The following RABGAP1L variants were observed in gnomAD, a reference collection of about 807,000 sequenced individuals.
RABGAP1L encodes rab GTPase-activating protein 1-like.
A neutral mutation model predicts 137.7 loss-of-function variants in RABGAP1L; 63 were observed. The observed-to-expected ratio is 0.46, with a 90% CI of 0.37 to 0.56. The LOEUF is 0.56. Among genes scored for constraint, RABGAP1L ranks in the 20% least tolerant of loss-of-function variants. The pLI, the probability that RABGAP1L is intolerant of heterozygous loss-of-function variation, is 0.00. For missense variants in RABGAP1L, 1,095 were observed against 1,244.0 expected, an observed-to-expected ratio of 0.88 and a Z score of 1.80; for synonymous variants, 431 against 433.7, an observed-to-expected ratio of 0.99 and a Z score of 0.08.
chr1:174,989,827 A>T, intron 25 of RABGAP1L, 22 bp from the exon 26 acceptor site: 1 of 1,546,122 alleles, frequency 6.5e-7, no homozygotes, highest in Non-Finnish European at 8.7e-7. Flanking sequence ...TTTAACTCAG[A>T]TGATTTTCTT....
chr1:174,371,827 A>G (rs1377736155), intron 12 of RABGAP1L, among the ~76,000 whole-genome samples: 1 of 152,192 alleles, frequency 6.6e-6, no homozygotes, highest in Non-Finnish European at 1.5e-5. Context: ...AAGAAAGAAT[A>G]ATTTAAACCT....
chr1:174,279,553 T>C lies in RABGAP1L; in HGVS notation c.1323+774T>C, dbSNP rs139619953. On this transcript the variant is annotated intron_variant, in intron 10 of 25. Coordinates refer to ENST00000681986, the MANE Select transcript of RABGAP1L (RefSeq NM_001366446.1). ...AGCAGGCACCAGTACAGGAAACAAATATAGAAGCCTCTTACCCATTTTCAT... is the reference window on the plus strand; with the variant it reads ...AGCAGGCACCAGTACAGGAAACAAACATAGAAGCCTCTTACCCATTTTCAT... Among the ~76,000 whole-genome samples the C allele has an allele frequency of 1.2e-3, 178 of 152,270 alleles. 1 individual carries two copies. The highest frequency in any genetic ancestry group is 4.2e-3 in the African/African-American group (174 of 41,568).
At chr1:174,984,170 C>G (rs1476410185) in intron 24 of RABGAP1L, among the ~76,000 whole-genome samples, 1 of 152,002 alleles carries the variant, frequency 6.6e-6, no homozygotes, top group Non-Finnish European at 1.5e-5. Flanking sequence ...TCTAAGTTCC[C>G]TCCCCTCAGT....
At chr1:174,430,357 GAAA>G (rs201831946) in intron 13 of RABGAP1L, among the ~76,000 whole-genome samples, 1 of 137,984 alleles carries the variant, frequency 7.2e-6, no homozygotes, top group Admixed American at 7.3e-5. Flanking sequence ...GACTCTGTCT[GAAA>G]AAAAAAAAAA....
rs1488883353 is a variant in RABGAP1L, at chr1:174,448,299, T to G, written c.1710+54154T>G. On this transcript the variant is annotated intron_variant, in intron 13 of 25. Transcript: ENST00000681986. This position sits in a 1 kb window ranked among gnomAD's most constrained non-coding sequence, Gnocchi z 4.2. The stretch of plus-strand genomic sequence containing the variant: ...ATTGCTGGGAATCTAACAGTTATCT[T>G]TGTCTTTCATTGTGCTCCACTGTTA... 1.2e-6 allele frequency: 2 copies of G among 1,612,880 alleles called. No individual in the cohort carries two copies. Among genetic ancestry groups the G allele is most frequent in the Admixed American group, 3.3e-5 (2 of 60,010 alleles).
chr1:174,455,356 A>C (rs1655927571), intron 13 of RABGAP1L, among the ~76,000 whole-genome samples: 1 of 152,200 alleles, frequency 6.6e-6, no homozygotes, highest in Non-Finnish European at 1.5e-5. Flanking sequence ...TTTTCTACTT[A>C]AGCAATTGTA....
chr1:174,611,430 C>T (rs1422798294), intron 13 of RABGAP1L, among the ~76,000 whole-genome samples: 1 of 151,606 alleles, frequency 6.6e-6, no homozygotes, highest in Non-Finnish European at 1.5e-5. Context: ...TCTTTTGGTA[C>T]CACTACCATG....
intron 12 of RABGAP1L, among the ~76,000 whole-genome samples, chr1:174,384,173 A>G (rs1216283777): frequency 6.6e-6 from 1 of 152,244 alleles, no homozygotes; most frequent in African/African-American, 2.4e-5. Flanking sequence ...GCCAAAGTCA[A>G]GTGACTTAAT....
Position 174,727,908 on chromosome 1 carries a change from T to C in RABGAP1L, c.2170-24405T>C, listed in dbSNP as rs922203031. Among the ~76,000 whole-genome samples the C allele has an allele frequency of 3.3e-5, 5 of 152,368 alleles. No homozygotes were observed. The South Asian group carries it at 1.0e-3, about 32-fold the overall frequency. ...AATCTCATGTGCCAGTCATCAGAAC[T>C]GTATTTCTTTGTAGAAGAGGAAAGG... On this transcript the variant is annotated intron_variant, in intron 17 of 25. Coordinates refer to ENST00000681986, the MANE Select transcript of RABGAP1L (RefSeq NM_001366446.1).
At chr1:174,613,197 G>A (rs983051599) in intron 13 of RABGAP1L, among the ~76,000 whole-genome samples, 4 of 151,228 alleles carry the variant, frequency 2.6e-5, no homozygotes, top group African/African-American at 9.7e-5. Flanking sequence ...GGCATTTAGT[G>A]CTATAAATTT....
At chr1:174,563,135 A>G (rs1445467084) in intron 13 of RABGAP1L, among the ~76,000 whole-genome samples, 2 of 152,168 alleles carry the variant, frequency 1.3e-5, no homozygotes, top group South Asian at 2.1e-4. Flanking sequence ...AATATTTACT[A>G]TCTGGCTCTT....
At chr1:174,465,098 CTTTT>C (rs1657135270) in intron 13 of RABGAP1L, among the ~76,000 whole-genome samples, 1 of 152,152 alleles carries the variant, frequency 6.6e-6, no homozygotes, top group East Asian at 1.9e-4. Flanking sequence ...TATGATGTAG[CTTTT>C]CTGGCACATG....
intron 7 of RABGAP1L, among the ~76,000 whole-genome samples, chr1:174,269,164 C>T (rs1022047384): frequency 6.6e-6 from 1 of 152,174 alleles, no homozygotes; most frequent in Non-Finnish European, 1.5e-5. Flanking sequence ...AGGATGGTCT[C>T]AATCTCCCGA....
In RABGAP1L at chr1:174,703,122, A is replaced by T. The variant is rs190064401; in HGVS notation, c.2169+866A>T. ...TTAAGGTAAACATCCTTTAAAAAAA[A>T]TTTTTTTTGTATAAATTTAAGGGGT... On this transcript the variant is annotated intron_variant, in intron 17 of 25. Transcript: ENST00000681986. 1.2e-3 allele frequency among the ~76,000 whole-genome samples: 188 copies of T among 152,096 alleles called. No homozygotes were observed. In the East Asian group the frequency reaches 0.023, roughly 19 times the overall value.
chr1:174,521,853 G>T (rs1426356662), intron 13 of RABGAP1L, among the ~76,000 whole-genome samples: 1 of 152,096 alleles, frequency 6.6e-6, no homozygotes, highest in Non-Finnish European at 1.5e-5. Context: ...GGTTGAGGCG[G>T]GCGGATCAGG....
chr1:174,476,499 T>C (rs1287763819), intron 13 of RABGAP1L, among the ~76,000 whole-genome samples: 1 of 152,220 alleles, frequency 6.6e-6, no homozygotes, highest in East Asian at 1.9e-4. Flanking sequence ...TTTAATATTA[T>C]GTTATTCAGC....
At chr1:174,485,864 G>A (rs1347214951) in intron 13 of RABGAP1L, among the ~76,000 whole-genome samples, 1 of 152,174 alleles carries the variant, frequency 6.6e-6, no homozygotes, top group Non-Finnish European at 1.5e-5. Flanking sequence ...GAGTGAGTTT[G>A]TAAGGATTCC....
At position 174,993,197 on chromosome 1, in the gene RABGAP1L, A is replaced by G. The variant is rs1218084058; in HGVS notation, c.*3196A>G. The G allele has an allele frequency of 6.6e-6, 1 of 152,184 alleles. No individual in the cohort carries two copies. 9.4% of individuals were successfully genotyped at this position (152,184 alleles called of 1,614,324 possible). On this transcript the variant is annotated 3_prime_UTR_variant, in exon 26 of 26. Coordinates refer to ENST00000681986, the MANE Select transcript of RABGAP1L (RefSeq NM_001366446.1). ...ATTTAGTTACATATAATTTAATGCA[A>G]AGAAATTCTGTTACTTAATGTTCTG...
At chr1:174,505,102 A>G (rs557116176) in intron 13 of RABGAP1L, among the ~76,000 whole-genome samples, 21 of 152,274 alleles carry the variant, frequency 1.4e-4, no homozygotes, top group Admixed American at 1.2e-3. Flanking sequence ...GCAGGTATAT[A>G]AAAAAATGTT....
Sources: allele counts gnomAD v4.1 joint callset (sites outside exome capture counted in the v4.1 genomes callset), GRCh38; gene constraint gnomAD v4.1.1; non-coding constraint Gnocchi (gnomAD v3.1); transcripts MANE v1.5; gene names NCBI Gene and HGNC (gene_info 2026-07-23, HGNC 2026-07-21).